Variants in TMC2 observed in about 807,000 individuals in gnomAD.
TMC2 encodes transmembrane channel-like protein 2.
In TMC2, 102 loss-of-function variants were observed where a neutral mutation model predicts 105.9. That is an observed-to-expected ratio of 0.96 (90% confidence interval 0.82 to 1.14). The LOEUF (loss-of-function observed/expected upper bound fraction) is 1.14, where lower values mean the gene tolerates loss of function less well. Ranked by LOEUF, TMC2 falls within the 50% of genes most tolerant of loss-of-function variation. The pLI, the probability that TMC2 is intolerant of heterozygous loss-of-function variation, is 0.00. For synonymous variants in TMC2, 402 were observed against 422.8 expected (o/e 0.95, Z 0.60); for missense variants, 1,093 against 1,134.3 (o/e 0.96, Z 0.52).
At chr20:2,627,798 C>T (rs1382030649) in intron 17 of TMC2, among the ~76,000 whole-genome samples, 1 of 152,148 alleles carries the variant, frequency 6.6e-6, no homozygotes, top group African/African-American at 2.4e-5. Context: ...TTTCTTTCTT[C>T]ATTTGATTTT....
intron 17 of TMC2, among the ~76,000 whole-genome samples, chr20:2,629,838 T>C (rs1394261846): frequency 6.6e-6 from 1 of 152,232 alleles, no homozygotes; most frequent in African/African-American, 2.4e-5. Context: ...CCACACTTGA[T>C]TTTGTTAAAT....
chr20:2,562,571 G>A (rs944045969), intron 4 of TMC2, among the ~76,000 whole-genome samples: 12 of 152,196 alleles, frequency 7.9e-5, no homozygotes, highest in African/African-American at 1.2e-4. Context: ...CATGCCACTC[G>A]ACTCCTGTTT....
intron 19 of TMC2, among the ~76,000 whole-genome samples, chr20:2,640,437 TA>T (rs1461569865): frequency 6.6e-6 from 1 of 152,162 alleles, no homozygotes; most frequent in African/African-American, 2.4e-5. Context: ...TCAGACACCA[TA>T]AAAGTTCATT....
intron 7 of TMC2, among the ~76,000 whole-genome samples, chr20:2,588,691 T>TTG (rs57035040): frequency 0.12 from 17,622 of 143,474 alleles, 1,197 homozygotes; most frequent in African/African-American, 0.18. Context: ...GCATGTGTCT[T>TTG]TGTGTGTGTG....
chr20:2,579,200 T>C lies in TMC2; in HGVS notation c.700T>C (p.Trp234Arg), dbSNP rs1266504771. Residue 234 changes from tryptophan (W) to arginine (R), a missense_variant, in exon 6 of 20, where the codon TGG (tryptophan) becomes CGG (arginine). By Grantham distance (101) the Trp-to-Arg change is moderately radical. Coordinates refer to ENST00000358864, the MANE Select transcript of TMC2 (RefSeq NM_080751.3). ...FDNFKTQCIPWEMKIKDIESH... is the reference protein window; with the variant it reads ...FDNFKTQCIPREMKIKDIESH... ...TAATTTCAAGACTCAATGTATCCCCTGGGAAATGAAGATCAAGGACATTGA... is the reference window on the plus strand; with the variant it reads ...TAATTTCAAGACTCAATGTATCCCCCGGGAAATGAAGATCAAGGACATTGA... 1.2e-6 allele frequency: 2 copies of C among 1,603,526 alleles called. No homozygotes were observed. Among genetic ancestry groups the C allele is most frequent in the Non-Finnish European group, 1.7e-6 (2 of 1,170,404 alleles).
At position 2,616,045 on chromosome 20, in the gene TMC2, T is replaced by C. The variant is rs1293859955; in HGVS notation, c.1873-92T>C. On this transcript the variant is annotated intron_variant, in intron 14 of 19. Coordinates refer to ENST00000358864, the MANE Select transcript of TMC2 (RefSeq NM_080751.3). The surrounding 1 kb of genome is among the most constrained non-coding windows in gnomAD (Gnocchi z 4.8). The stretch of plus-strand genomic sequence containing the variant: ...CTCTTTGGGATGGAATGGCCTTGGC[T>C]TGGCCAGTTGGTTGGTAGTAGGGTT... The C allele has an allele frequency of 1.0e-6, 1 of 983,890 alleles. No individual in the cohort carries two copies. The highest frequency in any genetic ancestry group is 2.5e-5 in the East Asian group (1 of 39,702). 60.9% of individuals were successfully genotyped at this position (983,890 alleles called of 1,614,324 possible).
chr20:2,630,756 G>T (rs1203139375), intron 17 of TMC2, among the ~76,000 whole-genome samples: 1 of 152,216 alleles, frequency 6.6e-6, no homozygotes, highest in East Asian at 1.9e-4. Context: ...TGAAAAGGTT[G>T]AGGCTGCAGT....
At chr20:2,622,022 A>G (rs912133700) in intron 16 of TMC2, among the ~76,000 whole-genome samples, 10 of 152,200 alleles carry the variant, frequency 6.6e-5, no homozygotes, top group Non-Finnish European at 4.4e-5. Context: ...GCGGGTATGC[A>G]CTGGAAATAA....
chr20:2,585,337 A>G (rs1216617227), intron 7 of TMC2, among the ~76,000 whole-genome samples: 1 of 151,992 alleles, frequency 6.6e-6, no homozygotes, highest in African/African-American at 2.4e-5. Flanking sequence ...TTATATCTTT[A>G]TTTTTATATT....
At chr20:2,573,813 G>A (rs1443190798) in intron 5 of TMC2, among the ~76,000 whole-genome samples, 2 of 152,032 alleles carry the variant, frequency 1.3e-5, no homozygotes, top group Non-Finnish European at 2.9e-5. Context: ...GCCCGCCTCG[G>A]CCTCCCAAAG....
At position 2,642,556 on chromosome 20, in the gene TMC2, G is replaced by A. The variant is rs532816194; in HGVS notation, c.*1205G>A. Among the ~76,000 whole-genome samples, 13 of 152,318 alleles carry A rather than the reference G, an allele frequency of 8.5e-5. No homozygotes were observed. The highest frequency in any genetic ancestry group is 3.3e-4 in the Admixed American group (5 of 15,298). On this transcript the variant is annotated 3_prime_UTR_variant, in exon 20 of 20. Coordinates refer to ENST00000358864, the MANE Select transcript of TMC2 (RefSeq NM_080751.3). ...TTTTGCAAAAGGTACAATGCAGAGC[G>A]TTGTCTCTGGGGATTCTATGTTCAC...
intron 19 of TMC2, among the ~76,000 whole-genome samples, chr20:2,639,306 ACT>A (rs1028356285): frequency 1.3e-5 from 2 of 152,214 alleles, no homozygotes; most frequent in African/African-American, 4.8e-5. Flanking sequence ...CCACTCACTG[ACT>A]CACCCAGAGC....
intron 7 of TMC2, among the ~76,000 whole-genome samples, chr20:2,582,657 G>A (rs1247116280): frequency 1.3e-5 from 2 of 151,920 alleles, no homozygotes; most frequent in Non-Finnish European, 1.5e-5. Context: ...TGTATTTTTA[G>A]TAGAGATGGG....
intron 17 of TMC2, among the ~76,000 whole-genome samples, chr20:2,628,507 T>C (rs1218664263): frequency 1.3e-5 from 2 of 152,106 alleles, no homozygotes; most frequent in Non-Finnish European, 2.9e-5. Flanking sequence ...ATCCCCATAA[T>C]CCCCACATTT....
intron 2 of TMC2, among the ~76,000 whole-genome samples, chr20:2,539,082 C>T (rs1439597473): frequency 6.6e-6 from 1 of 152,210 alleles, no homozygotes; most frequent in Non-Finnish European, 1.5e-5. Flanking sequence ...CGCAGCCTCT[C>T]CTCGGCCTGT....
chr20:2,542,038 G>GA (rs11482970), intron 2 of TMC2, among the ~76,000 whole-genome samples: 61,451 of 151,792 alleles, frequency 0.4, 12,590 homozygotes, highest in Admixed American at 0.46. Flanking sequence ...TTTCTTATTT[G>GA]AAAAAAACTT....
intron 7 of TMC2, among the ~76,000 whole-genome samples, chr20:2,590,300 G>A (rs1390349783): frequency 1.3e-5 from 2 of 152,146 alleles, no homozygotes; most frequent in African/African-American, 2.4e-5. Flanking sequence ...TAGGATGCAA[G>A]AGGGATATAA....
intron 5 of TMC2, among the ~76,000 whole-genome samples, chr20:2,573,769 C>A (rs573597024): frequency 1.3e-5 from 2 of 150,852 alleles, no homozygotes; most frequent in Non-Finnish European, 1.5e-5. Flanking sequence ...ACCGTGTTAG[C>A]CAGGATGGTC....
intron 10 of TMC2, among the ~76,000 whole-genome samples, chr20:2,597,722 T>C (rs1383103059): frequency 3.3e-5 from 5 of 151,968 alleles, no homozygotes; most frequent in Admixed American, 2.0e-4. Context: ...GGTCTTGAAC[T>C]GCTGACCTCA....
Sources: allele counts gnomAD v4.1 joint callset (sites outside exome capture counted in the v4.1 genomes callset), GRCh38; gene constraint gnomAD v4.1.1; non-coding constraint Gnocchi (gnomAD v3.1); transcripts MANE v1.5; gene names NCBI Gene and HGNC (gene_info 2026-07-23, HGNC 2026-07-21).